Variants in CHN2 observed in about 807,000 individuals in gnomAD.
CHN2 encodes the protein chimerin 2.
A neutral mutation model predicts 56.3 loss-of-function variants in CHN2; 35 were observed. The observed-to-expected ratio is 0.62, with a 90% CI of 0.47 to 0.82. The LOEUF is 0.82. Among genes scored for constraint, CHN2 ranks in the 40% least tolerant of loss-of-function variants. CHN2 has a pLI of 0.00. For missense variants in CHN2, 491 were observed against 580.5 expected (o/e 0.85, Z 1.58); for synonymous variants, 210 against 212.8 (o/e 0.99, Z 0.12).
intron 1 of CHN2, among the ~76,000 whole-genome samples, chr7:29,292,053 G>C (rs1392289588): frequency 1.3e-5 from 2 of 152,106 alleles, no homozygotes; most frequent in Non-Finnish European, 2.9e-5. Flanking sequence ...ATGAACTACC[G>C]GGGCGGAGGA....
At chr7:29,325,084 T>A (rs572944900) in intron 1 of CHN2, among the ~76,000 whole-genome samples, 1 of 152,332 alleles carries the variant, frequency 6.6e-6, no homozygotes, top group Non-Finnish European at 1.5e-5. Context: ...TGACTCCCTT[T>A]ACAGTCTATC....
intron 1 of CHN2, among the ~76,000 whole-genome samples, chr7:29,263,200 C>G (rs1281424913): frequency 6.6e-6 from 1 of 152,178 alleles, no homozygotes; most frequent in Non-Finnish European, 1.5e-5. Context: ...GACTGGTTTT[C>G]GTATTTTTTG....
chr7:29,340,892 G>C (rs1455589147), intron 1 of CHN2, among the ~76,000 whole-genome samples: 2 of 152,220 alleles, frequency 1.3e-5, no homozygotes, highest in African/African-American at 4.8e-5. Context: ...TGCTGCCTTA[G>C]AACTTTTGAG....
intron 6 of CHN2, among the ~76,000 whole-genome samples, chr7:29,452,256 C>G (rs1054603579): frequency 1.3e-5 from 2 of 152,200 alleles, no homozygotes; most frequent in African/African-American, 2.4e-5. Context: ...ATTATTGCAC[C>G]TCAGGATCTG....
intron 1 of CHN2, among the ~76,000 whole-genome samples, chr7:29,221,386 T>C (rs1341025646): frequency 1.3e-5 from 2 of 152,194 alleles, no homozygotes; most frequent in Non-Finnish European, 2.9e-5. Flanking sequence ...AATAAATAAT[T>C]CAAAAATGAA....
intron 6 of CHN2, among the ~76,000 whole-genome samples, chr7:29,466,216 G>C (rs1014655638): frequency 1.5e-5 from 2 of 135,216 alleles, no homozygotes; most frequent in African/African-American, 5.5e-5. Context: ...GAGAGAAAGA[G>C]AGAGAGGAAG....
chr7:29,493,668 C>T (rs1298530348), intron 7 of CHN2, among the ~76,000 whole-genome samples: 1 of 152,102 alleles, frequency 6.6e-6, no homozygotes, highest in Non-Finnish European at 1.5e-5. Flanking sequence ...CTCCTGTCTC[C>T]CTCAAAGGCC....
At chr7:29,220,341 A>G (rs1375388560) in intron 1 of CHN2, among the ~76,000 whole-genome samples, 1 of 151,788 alleles carries the variant, frequency 6.6e-6, no homozygotes, top group African/African-American at 2.4e-5. Context: ...AGGAAACGAT[A>G]TATAATATTT....
intron 6 of CHN2, among the ~76,000 whole-genome samples, chr7:29,448,806 A>G (rs182999857): frequency 5.9e-5 from 9 of 152,148 alleles, no homozygotes; most frequent in Non-Finnish European, 1.2e-4. Context: ...AGAGCACACT[A>G]TATCTCCCCC....
At chr7:29,473,538 G>A (rs1207674427) in intron 6 of CHN2, among the ~76,000 whole-genome samples, 1 of 144,382 alleles carries the variant, frequency 6.9e-6, no homozygotes, top group Non-Finnish European at 1.5e-5. Context: ...GCGACCCACA[G>A]GTTCAGTGGA....
chr7:29,218,677 A>G (rs1394669408), intron 1 of CHN2, among the ~76,000 whole-genome samples: 1 of 151,956 alleles, frequency 6.6e-6, no homozygotes, highest in Non-Finnish European at 1.5e-5. Flanking sequence ...ACTGGAAACC[A>G]TCATTCTCAG....
In CHN2 at chr7:29,378,737, A is replaced by G. The variant is rs559091454; in HGVS notation, c.144+10750A>G. ...TCCCAGCACTTTGGGAGGCCGAGGC[A>G]GGCAGATCACGAGGTTAGGAGATCG... On this transcript the variant is annotated intron_variant, in intron 3 of 12. Transcript: ENST00000222792. Among the ~76,000 whole-genome samples the G allele has an allele frequency of 2.0e-5, 3 of 152,334 alleles. No homozygotes were observed. In the East Asian group the frequency reaches 5.8e-4, roughly 29 times the overall value.
intron 1 of CHN2, among the ~76,000 whole-genome samples, chr7:29,218,076 A>G (rs1191044410): frequency 6.6e-6 from 1 of 152,020 alleles, no homozygotes; most frequent in African/African-American, 2.4e-5. Context: ...TACATTTAAG[A>G]AAAAAAAGAC....
At chr7:29,292,606 CTTA>C (rs1209516189) in intron 1 of CHN2, among the ~76,000 whole-genome samples, 2 of 152,246 alleles carry the variant, frequency 1.3e-5, no homozygotes, top group East Asian at 3.8e-4. Flanking sequence ...ACTGGCATCA[CTTA>C]TTGATACTGC....
intron 1 of CHN2, among the ~76,000 whole-genome samples, chr7:29,207,162 T>A (rs536085785): frequency 6.6e-6 from 1 of 152,336 alleles, no homozygotes; most frequent in East Asian, 1.9e-4. Flanking sequence ...ATTGATATTG[T>A]AAGAAAGAGA....
intron 1 of CHN2, among the ~76,000 whole-genome samples, chr7:29,267,109 G>A (rs1030091962): frequency 2.0e-5 from 3 of 152,056 alleles, no homozygotes; most frequent in African/African-American, 7.2e-5. Context: ...TACTCCGTGG[G>A]CATTTGCCTG....
intron 7 of CHN2, among the ~76,000 whole-genome samples, chr7:29,484,712 G>A (rs1026577685): frequency 2.6e-5 from 4 of 152,194 alleles, no homozygotes; most frequent in Non-Finnish European, 4.4e-5. Flanking sequence ...GGTTAGGAGT[G>A]AAGCACACCT....
chr7:29,263,035 C>G (rs1352012445), intron 1 of CHN2, among the ~76,000 whole-genome samples: 1 of 152,186 alleles, frequency 6.6e-6, no homozygotes, highest in African/African-American at 2.4e-5. Flanking sequence ...CTCCCCTTTG[C>G]ACGGTCCTCG....
intron 6 of CHN2, among the ~76,000 whole-genome samples, chr7:29,405,035 C>T (rs962366074): frequency 2.0e-5 from 3 of 151,962 alleles, no homozygotes; most frequent in African/African-American, 7.3e-5. Context: ...AATTTTAAAC[C>T]GTGATCGATG....
Sources: allele counts gnomAD v4.1 joint callset (sites outside exome capture counted in the v4.1 genomes callset), GRCh38; gene constraint gnomAD v4.1.1; transcripts MANE v1.5; gene names NCBI Gene and HGNC (gene_info 2026-07-23, HGNC 2026-07-21).